The following GLRA3 variants were observed in gnomAD, a reference collection of about 807,000 sequenced individuals.
GLRA3 encodes glycine receptor alpha 3.
In GLRA3, 44 loss-of-function variants were observed where a neutral mutation model predicts 60.4. That is an observed-to-expected ratio of 0.73 (90% CI 0.57 to 0.94). The LOEUF (loss-of-function observed/expected upper bound fraction) is 0.94, where lower values mean the gene tolerates loss of function less well. Ranked by LOEUF, GLRA3 falls within the 40% of genes least tolerant of loss-of-function variation. The probability of loss-of-function intolerance (pLI) is 0.00; values close to 1 mark genes in which losing one functional copy is unlikely to be tolerated. For synonymous variants in GLRA3, 223 were observed against 192.9 expected (o/e 1.16, Z -1.29); for missense variants, 508 against 564.6 (o/e 0.90, Z 1.02).
At chr4:174,772,709 A>AG (rs1385991912) in intron 2 of GLRA3, among the ~76,000 whole-genome samples, 2 of 152,198 alleles carry the variant, frequency 1.3e-5, no homozygotes, top group African/African-American at 4.8e-5. Flanking sequence ...GATTTACTTT[A>AG]GGAAAGCTTT....
At chr4:174,740,198 T>G (rs981487735) in intron 3 of GLRA3, among the ~76,000 whole-genome samples, 2 of 152,178 alleles carry the variant, frequency 1.3e-5, no homozygotes, top group Admixed American at 1.3e-4. Flanking sequence ...TGTTTATGTT[T>G]TGCATATTGG....
At chr4:174,800,607 C>A (rs948687875) in intron 1 of GLRA3, among the ~76,000 whole-genome samples, 1 of 152,060 alleles carries the variant, frequency 6.6e-6, no homozygotes, top group East Asian at 1.9e-4. Flanking sequence ...CCAAACCCCC[C>A]CCGCCAAAAA....
At chr4:174,750,358 A>G (rs926938773) in intron 3 of GLRA3, among the ~76,000 whole-genome samples, 2 of 152,106 alleles carry the variant, frequency 1.3e-5, no homozygotes, top group African/African-American at 2.4e-5. Context: ...GCAGGGGACT[A>G]TGCTGAATGA....
At chr4:174,796,266 G>A (rs1308994534) in intron 1 of GLRA3, among the ~76,000 whole-genome samples, 1 of 152,120 alleles carries the variant, frequency 6.6e-6, no homozygotes, top group Non-Finnish European at 1.5e-5. Flanking sequence ...CAATTTGCTG[G>A]TGCTCTGATC....
chr4:174,818,616 G>C (rs1740605719), intron 1 of GLRA3, among the ~76,000 whole-genome samples: 1 of 152,090 alleles, frequency 6.6e-6, no homozygotes, highest in African/African-American at 2.4e-5. Context: ...GAGATTTAAG[G>C]GGAAAAATAT....
chr4:174,721,007 T>TGTGTGTG (rs1736107923), intron 4 of GLRA3, among the ~76,000 whole-genome samples: 1 of 141,456 alleles, frequency 7.1e-6, no homozygotes, highest in African/African-American at 2.6e-5. Context: ...TGTGTGAACT[T>TGTGTGTG]TGTGTGTGTG....
intron 6 of GLRA3, among the ~76,000 whole-genome samples, chr4:174,680,731 C>T (rs758155520): frequency 1.3e-5 from 2 of 152,128 alleles, no homozygotes; most frequent in Non-Finnish European, 2.9e-5. Context: ...CTAATAAATA[C>T]TTCAGGATAG....
At chr4:174,748,272 A>G (rs1190026339) in intron 3 of GLRA3, among the ~76,000 whole-genome samples, 1 of 152,228 alleles carries the variant, frequency 6.6e-6, no homozygotes, top group Non-Finnish European at 1.5e-5. Context: ...CAGATTCTGC[A>G]AAGATGTCAA....
intron 2 of GLRA3, among the ~76,000 whole-genome samples, chr4:174,778,241 A>G (rs1738687008): frequency 6.6e-6 from 1 of 152,168 alleles, no homozygotes. Context: ...CCTAACCAGA[A>G]AGGCTTCTAA....
At chr4:174,778,840 A>G (rs925368720) in intron 2 of GLRA3, among the ~76,000 whole-genome samples, 8 of 152,138 alleles carry the variant, frequency 5.3e-5, no homozygotes, top group African/African-American at 7.2e-5. Flanking sequence ...AGTCTCGCTG[A>G]TTGCTAGCAC....
At chr4:174,770,630 CAT>C (rs1738343114) in intron 2 of GLRA3, among the ~76,000 whole-genome samples, 2 of 152,034 alleles carry the variant, frequency 1.3e-5, no homozygotes, top group East Asian at 3.9e-4. Flanking sequence ...ATAATTCAAA[CAT>C]GTATAGAAGT....
rs373121061 is a variant in GLRA3 at position 174,828,141 on chromosome 4, T to C, written c.71+600A>G. Among the ~76,000 whole-genome samples, 37 of 152,330 alleles carry C rather than the reference T, an allele frequency of 2.4e-4. No individual in the cohort carries two copies. The East Asian group carries it at 6.9e-3, about 29-fold the overall frequency. On this transcript the variant is annotated intron_variant, in intron 1 of 9. Transcript: ENST00000274093. ...TCATAGTTTAATGGCTTTGTTATAA[T>C]ATTACTTTACTCAAGAAGATTATTC...
rs756607195 is a variant in GLRA3 at position 174,659,084 on chromosome 4, A to G, written c.1041T>C (p.Leu347=). Reference sequence around the variant, plus strand: ...TCTTTCTCTTTCGTCGAAATCTCAGAAGTTCTTTGTGTTGTCTTGATACAA... The same window carrying G: ...TCTTTCTCTTTCGTCGAAATCTCAGGAGTTCTTTGTGTTGTCTTGATACAA... The part of the protein sequence containing the change: ...VNFVSRQHKE[L]LRFRRKRKNK... The change falls in exon 8 of 10, where the codon CTT becomes CTC. Residue 347 remains leucine, a synonymous_variant. Transcript: ENST00000274093. The G allele has an allele frequency of 6.2e-7, 1 of 1,613,258 alleles. No individual in the cohort carries two copies. Among genetic ancestry groups the G allele is most frequent in the Non-Finnish European group, 8.5e-7 (1 of 1,179,450 alleles).
In GLRA3 at chr4:174,742,282, G is replaced by A. The variant is rs570472241; in HGVS notation, c.268-13584C>T. ...TTGAGGGTAAGAAAATATATTATTC[G>A]AGGTTTTTAATAAGCTATTTTAAGA... On this transcript the variant is annotated intron_variant, in intron 3 of 9. Transcript: ENST00000274093. Among the ~76,000 whole-genome samples the A allele has an allele frequency of 5.3e-5, 8 of 152,162 alleles. No individual in the cohort carries two copies. In the South Asian group the frequency reaches 1.0e-3, roughly 20 times the overall value.
intron 9 of GLRA3, among the ~76,000 whole-genome samples, chr4:174,653,751 T>C (rs1486035238): frequency 2.0e-5 from 3 of 152,052 alleles, no homozygotes; most frequent in Non-Finnish European, 4.4e-5. Context: ...ACAATAGACA[T>C]CATATGTTAA....
chr4:174,792,678 C>G (rs1739402857), intron 1 of GLRA3, among the ~76,000 whole-genome samples: 1 of 152,164 alleles, frequency 6.6e-6, no homozygotes, highest in Non-Finnish European at 1.5e-5. Flanking sequence ...CCTTAGGCAC[C>G]TGTGAAGTTA....
At chr4:174,743,225 T>C (rs1579538003) in intron 3 of GLRA3, among the ~76,000 whole-genome samples, 1 of 152,286 alleles carries the variant, frequency 6.6e-6, no homozygotes, top group East Asian at 1.9e-4. Flanking sequence ...CCTGCAGACC[T>C]ATTTTGAATT....
At chr4:174,802,439 T>A (rs1739850817) in intron 1 of GLRA3, among the ~76,000 whole-genome samples, 1 of 152,092 alleles carries the variant, frequency 6.6e-6, no homozygotes, top group African/African-American at 2.4e-5. Flanking sequence ...CTATCATGAT[T>A]GTCCAACTGA....
intron 1 of GLRA3, among the ~76,000 whole-genome samples, chr4:174,825,900 G>T (rs1474691867): frequency 6.6e-6 from 1 of 152,058 alleles, no homozygotes; most frequent in Non-Finnish European, 1.5e-5. Flanking sequence ...CTAAAAATTT[G>T]TATAGTACGA....
Sources: allele counts gnomAD v4.1 joint callset (sites outside exome capture counted in the v4.1 genomes callset), GRCh38; gene constraint gnomAD v4.1.1; transcripts MANE v1.5; gene names NCBI Gene and HGNC (gene_info 2026-07-23, HGNC 2026-07-21).